TECPR1: variants seen among roughly 807,000 people sequenced by gnomAD.
TECPR1 encodes tectonin beta-propeller repeat containing 1, also known as tectonin beta-propeller repeat-containing protein 1.
TECPR1 carries 122 observed loss-of-function variants against 162.4 expected under a neutral mutation model. That is an observed-to-expected ratio of 0.75 (90% CI 0.65 to 0.87). TECPR1 has a LOEUF of 0.87. TECPR1 is among the 40% of genes least tolerant of loss of function. TECPR1 has a pLI of 0.00. For synonymous variants in TECPR1, 642 were observed against 670.6 expected (o/e 0.96, Z 0.66); for missense variants, 1,432 against 1,618.2 (o/e 0.88, Z 1.97).
intron 10 of TECPR1, among the ~76,000 whole-genome samples, chr7:98,235,610 G>A (rs1798575085): frequency 1.3e-5 from 2 of 150,752 alleles, no homozygotes; most frequent in East Asian, 1.9e-4. Context: ...AGAGGTGGGA[G>A]GGTCACTTGA....
intron 23 of TECPR1, among the ~76,000 whole-genome samples, chr7:98,221,027 C>T (rs1008112164): frequency 2.0e-5 from 3 of 150,274 alleles, no homozygotes; most frequent in South Asian, 2.2e-4. Context: ...GAGGGCCAGG[C>T]GCGGTAGCTC....
chr7:98,240,981 C>T (rs1404997331), intron 7 of TECPR1, 30 bp from the exon 8 acceptor site: 2 of 1,589,860 alleles, frequency 1.3e-6, no homozygotes, highest in African/African-American at 1.3e-5. Context: ...CCCCCAGTGG[C>T]CCCCATCAGC....
chr7:98,240,936 A>C lies in TECPR1; in HGVS notation c.848T>G (p.Ile283Ser). The part of the protein sequence containing the change: ...RSNPKGSSWS[I>S]VEPPGSENGV... ...GTTTTCAGATCCAGGAGGCTCCACG[A>C]TGGACCAGGAACTTCCTACCGGGCC... Residue 283 changes from isoleucine to serine, a missense_variant, in exon 8 of 26, where the codon ATC (isoleucine) becomes AGC (serine). Transcript: ENST00000447648. 1 of 1,607,084 alleles carries C rather than the reference A, an allele frequency of 6.2e-7. No homozygotes were observed. Among genetic ancestry groups the C allele is most frequent in the South Asian group, 1.1e-5 (1 of 89,438 alleles).
In TECPR1 at chr7:98,241,527, C is replaced by G. The variant is rs1798748755; in HGVS notation, c.658-283G>C. The stretch of plus-strand genomic sequence containing the variant: ...TCAGGCATGTGGGTCTCCGGCCACT[C>G]TGGCCAGCCCGTGTGTCCCATGCCC... On this transcript the variant is annotated intron_variant, in intron 6 of 25. Coordinates refer to ENST00000447648, the MANE Select transcript of TECPR1 (RefSeq NM_015395.3). The surrounding 1 kb of genome is among the most constrained non-coding windows in gnomAD (Gnocchi z 5.0). 6.6e-6 allele frequency among the ~76,000 whole-genome samples: 1 copy of G among 152,224 alleles called. No homozygotes were observed. Among genetic ancestry groups the G allele is most frequent in the Admixed American group, 6.5e-5 (1 of 15,286 alleles).
intron 16 of TECPR1, chr7:98,228,388 C>G: frequency 2.3e-6 from 1 of 430,232 alleles, no homozygotes; most frequent in Non-Finnish European, 4.3e-6. Flanking sequence ...CCTCCAGCGC[C>G]TCTTCCCACC....
chr7:98,218,299 G>T (rs1463682982), intron 23 of TECPR1, among the ~76,000 whole-genome samples: 3 of 152,220 alleles, frequency 2.0e-5, no homozygotes, highest in Admixed American at 1.3e-4. Flanking sequence ...GCCCTATTGT[G>T]CTGGGCACGG....
At chr7:98,245,765 C>G (rs374743016) in intron 3 of TECPR1, among the ~76,000 whole-genome samples, 157 bp downstream of exon 3, 1 of 152,172 alleles carries the variant, frequency 6.6e-6, no homozygotes, top group African/African-American at 2.4e-5. Context: ...TGAGTCACCA[C>G]GCCTGGCAGC....
chr7:98,252,006 C>T (rs1442732684), intron 1 of TECPR1, 120 bp downstream of exon 1: 2 of 152,512 alleles, frequency 1.3e-5, no homozygotes, highest in Non-Finnish European at 2.9e-5. Flanking sequence ...CTCCTTCCTC[C>T]CTCCCCGCGA....
intron 2 of TECPR1, among the ~76,000 whole-genome samples, chr7:98,249,689 C>T (rs547285117): frequency 6.6e-6 from 1 of 152,186 alleles, no homozygotes; most frequent in African/African-American, 2.4e-5. Context: ...GTGGCTCATG[C>T]CTGTAATCCC....
At chr7:98,244,229 G>A (rs1203728542) in intron 5 of TECPR1, among the ~76,000 whole-genome samples, 2 of 152,208 alleles carry the variant, frequency 1.3e-5, no homozygotes, top group Non-Finnish European at 2.9e-5. Flanking sequence ...AGGTTCTTCT[G>A]GGTCATGGAG....
At chr7:98,248,418 T>C (rs1299028240) in intron 2 of TECPR1, among the ~76,000 whole-genome samples, 1 of 150,586 alleles carries the variant, frequency 6.6e-6, no homozygotes, top group South Asian at 2.1e-4. Flanking sequence ...GCCTGGAGGC[T>C]GGGCCCAGTG....
At chr7:98,229,611 C>T (rs932980582) in intron 15 of TECPR1, among the ~76,000 whole-genome samples, 10 of 152,146 alleles carry the variant, frequency 6.6e-5, no homozygotes, top group Non-Finnish European at 1.3e-4. Context: ...ACAGCACGGC[C>T]CTTGGGCTTC....
intron 8 of TECPR1, 43 bp from the exon 9 acceptor site, chr7:98,238,653 G>T: frequency 6.7e-7 from 1 of 1,484,450 alleles, no homozygotes; most frequent in Non-Finnish European, 9.2e-7. Flanking sequence ...GAGGGCCACT[G>T]AAACAGACGG....
In TECPR1 at chr7:98,224,857, G is replaced by A; in HGVS notation, c.2634C>T (p.Phe878=). Residue 878 remains phenylalanine, a synonymous_variant, in exon 19 of 26, where the codon TTC becomes TTT. Coordinates refer to ENST00000447648, the MANE Select transcript of TECPR1 (RefSeq NM_015395.3). The part of the protein sequence containing the change: ...WAWVSDWFVD[F]SVPGGTDQEG... ...CCTGGTCCGTGCCCCCCGGAACGCT[G>A]AAATCCACGAACCAGTCGGAAACCT... 6.4e-7 allele frequency: 1 copy of A among 1,570,452 alleles called. No homozygotes were observed. The highest frequency in any genetic ancestry group is 1.9e-5 in the Admixed American group (1 of 53,294).
chr7:98,236,946 AG>A (rs1328102664), intron 9 of TECPR1, 25 bp from the exon 10 acceptor site: 7 of 1,513,398 alleles, frequency 4.6e-6, no homozygotes, highest in Non-Finnish European at 6.2e-6. Flanking sequence ...CTGTGTTCCG[AG>A]GAATCTGGGC....
chr7:98,249,045 C>T (rs1408962346), intron 2 of TECPR1, among the ~76,000 whole-genome samples: 1 of 151,992 alleles, frequency 6.6e-6, no homozygotes, highest in Non-Finnish European at 1.5e-5. Context: ...TGCACCACCA[C>T]ATCTGGCCCA....
intron 20 of TECPR1, 134 bp downstream of exon 20, chr7:98,223,528 C>T (rs900190334): frequency 3.4e-6 from 3 of 894,734 alleles, no homozygotes; most frequent in African/African-American, 3.3e-5. Context: ...TCACCCTACT[C>T]CCCACTGCTT....
intron 15 of TECPR1, among the ~76,000 whole-genome samples, chr7:98,229,661 TC>T (rs142786157): frequency 0.23 from 34,470 of 152,082 alleles, 4,242 homozygotes; most frequent in South Asian, 0.43. Flanking sequence ...CAGCATGGCC[TC>T]CTGGGTGGGC....
intron 6 of TECPR1, 106 bp downstream of exon 6, chr7:98,243,361 G>T (rs112300648): frequency 1.4e-6 from 2 of 1,460,012 alleles, no homozygotes; most frequent in Admixed American, 2.1e-5. Context: ...CATGGGGTGG[G>T]GGGGCCGGGG....
Sources: gnomAD v4.1 joint callset for allele counts (sites outside exome capture counted in the v4.1 genomes callset) on GRCh38, gnomAD v4.1.1 for gene constraint, Gnocchi (gnomAD v3.1) non-coding constraint, MANE v1.5 for transcripts, NCBI Gene and HGNC (gene_info 2026-07-23, HGNC 2026-07-21) for gene names.